SNX24: variants seen among roughly 807,000 people sequenced by gnomAD.
SNX24 encodes the protein sorting nexin 24, also known as sorting nexin-24.
SNX24 carries 22 observed loss-of-function variants against 28.7 expected under a neutral mutation model. The ratio of observed to expected loss-of-function variants is 0.77; its 90% confidence interval spans 0.55 to 1.10. The LOEUF is 1.10. SNX24 is among the 50% of genes least tolerant of loss of function. The pLI is 0.00. For missense variants in SNX24, 221 were observed against 201.1 expected, an observed-to-expected ratio of 1.10 and a Z score of -0.60; for synonymous variants, 69 against 71.5, an observed-to-expected ratio of 0.96 and a Z score of 0.18.
At chr5:122,967,443 G>A (rs1323707692) in intron 3 of SNX24, among the ~76,000 whole-genome samples, 1 of 152,146 alleles carries the variant, frequency 6.6e-6, no homozygotes, top group Non-Finnish European at 1.5e-5. Context: ...AGCGCCTGTG[G>A]GAAGCTGGTA....
intron 1 of SNX24, among the ~76,000 whole-genome samples, chr5:122,917,156 C>T (rs1758212201): frequency 1.3e-5 from 2 of 151,316 alleles, no homozygotes; most frequent in Admixed American, 1.3e-4. Flanking sequence ...AGTCGAGAGG[C>T]TGAGGCAGGA....
At chr5:122,863,221 C>T (rs1016605542) in intron 1 of SNX24, among the ~76,000 whole-genome samples, 3 of 151,982 alleles carry the variant, frequency 2.0e-5, no homozygotes, top group African/African-American at 7.2e-5. Context: ...GAATCCTTCC[C>T]TGGGAAGGCA....
chr5:122,893,746 T>C (rs1757081844), intron 1 of SNX24, among the ~76,000 whole-genome samples: 1 of 152,180 alleles, frequency 6.6e-6, no homozygotes, highest in South Asian at 2.1e-4. Flanking sequence ...GAGTTCTGCA[T>C]TCAAAAGTTA....
Position 122,999,935 on chromosome 5 carries a change from A to G in SNX24, c.273A>G (p.Glu91=), listed in dbSNP as rs374539266. 372 of 1,612,794 alleles carry G rather than the reference A, an allele frequency of 2.3e-4. No individual in the cohort carries two copies. Among genetic ancestry groups the G allele is most frequent in the Non-Finnish European group, 3.1e-4 (361 of 1,178,796 alleles). The change falls in exon 4 of 7, where the codon GAA becomes GAG. Residue 91 remains glutamate (E), a synonymous_variant. Coordinates refer to ENST00000261369, the MANE Select transcript of SNX24 (RefSeq NM_014035.4). ...AGGCTGTCATTTTAGAAAATGAAGAACTTCCCAAACTGTTTCTTGATTTCC... is the reference window on the plus strand; with the variant it reads ...AGGCTGTCATTTTAGAAAATGAAGAGCTTCCCAAACTGTTTCTTGATTTCC... ...YLQAVILENE[E]LPKLFLDFLN... is the part of the protein sequence containing the mutation.
chr5:122,856,013 T>C (rs1755173494), intron 1 of SNX24, among the ~76,000 whole-genome samples: 1 of 152,178 alleles, frequency 6.6e-6, no homozygotes, highest in Admixed American at 6.5e-5. Flanking sequence ...AGGTTTGTTA[T>C]ATGGGTAAAT....
chr5:122,885,648 C>G (rs1257735442), intron 1 of SNX24, among the ~76,000 whole-genome samples: 1 of 152,172 alleles, frequency 6.6e-6, no homozygotes, highest in African/African-American at 2.4e-5. Context: ...CAAGCAGCTC[C>G]TCCTTTCCTT....
chr5:122,850,591 G>A (rs1278398627), intron 1 of SNX24, among the ~76,000 whole-genome samples: 2 of 152,142 alleles, frequency 1.3e-5, no homozygotes, highest in South Asian at 2.1e-4. Context: ...CCAGTACCTG[G>A]TGACCAGATG....
intron 1 of SNX24, among the ~76,000 whole-genome samples, chr5:122,854,589 GA>G (rs2150034727): frequency 6.8e-6 from 1 of 147,874 alleles, no homozygotes; most frequent in South Asian, 2.1e-4. Context: ...TCCTTCCATT[GA>G]AAAAAATATA....
exon 6 of SNX24, chr5:123,029,272 A>C: frequency 6.2e-7 from 1 of 1,614,038 alleles, no homozygotes; most frequent in Non-Finnish European, 8.5e-7. Context: ...AAGAAAGAAG[A>C]CCCAATTTAA....
intron 1 of SNX24, among the ~76,000 whole-genome samples, chr5:122,931,035 G>A (rs557162822): frequency 2.6e-5 from 4 of 152,248 alleles, no homozygotes; most frequent in South Asian, 4.1e-4. Context: ...TTAAGTGAGG[G>A]CTTACTATAT....
chr5:122,935,625 T>C (rs907547948), intron 1 of SNX24, among the ~76,000 whole-genome samples: 1 of 152,238 alleles, frequency 6.6e-6, no homozygotes, highest in African/African-American at 2.4e-5. Flanking sequence ...AGATTTTATG[T>C]TTCTGGATTT....
At chr5:122,874,324 G>C (rs549913168) in intron 1 of SNX24, among the ~76,000 whole-genome samples, 1 of 152,336 alleles carries the variant, frequency 6.6e-6, no homozygotes, top group African/African-American at 2.4e-5. Flanking sequence ...AGCTAAGTGA[G>C]GATCAGCTGA....
At chr5:122,895,897 C>A (rs1757181322) in intron 1 of SNX24, among the ~76,000 whole-genome samples, 2 of 152,166 alleles carry the variant, frequency 1.3e-5, no homozygotes, top group Admixed American at 1.3e-4. Context: ...GCCTGTAATC[C>A]CAGCACTTTG....
intron 2 of SNX24, among the ~76,000 whole-genome samples, chr5:122,945,741 T>A (rs1345972734): frequency 6.6e-6 from 1 of 152,232 alleles, no homozygotes; most frequent in East Asian, 1.9e-4. Flanking sequence ...TTTTTGTAAC[T>A]AAATTTCTTT....
At chr5:122,921,584 G>C (rs1245491120) in intron 1 of SNX24, among the ~76,000 whole-genome samples, 1 of 151,938 alleles carries the variant, frequency 6.6e-6, no homozygotes. Flanking sequence ...TGATGTAGGG[G>C]ATTTAGTTTT....
intron 3 of SNX24, among the ~76,000 whole-genome samples, chr5:122,986,744 T>G (rs1363605326): frequency 6.6e-6 from 1 of 151,544 alleles, no homozygotes; most frequent in African/African-American, 2.4e-5. Context: ...TAAGGGATTT[T>G]TTTTTTCCTG....
chr5:122,913,414 C>T (rs1383860954), intron 1 of SNX24, among the ~76,000 whole-genome samples: 14 of 151,060 alleles, frequency 9.3e-5, no homozygotes, highest in East Asian at 2.0e-4. Flanking sequence ...ACCTCCCTCC[C>T]GGACGGGGCG....
intron 1 of SNX24, among the ~76,000 whole-genome samples, chr5:122,923,089 C>T (rs530887355): frequency 5.3e-5 from 8 of 152,138 alleles, no homozygotes; most frequent in South Asian, 4.1e-4. Context: ...CCAGCATTTT[C>T]GGAGGCTAAG....
At chr5:123,024,708 T>C (rs17388251) in intron 5 of SNX24, among the ~76,000 whole-genome samples, 42,269 of 152,136 alleles carry the variant, frequency 0.28, 7,011 homozygotes, top group Non-Finnish European at 0.38. Context: ...TTGTGTTAGA[T>C]AGAATCAGAA....
Sources: allele counts gnomAD v4.1 joint callset (sites outside exome capture counted in the v4.1 genomes callset), GRCh38; gene constraint gnomAD v4.1.1; transcripts MANE v1.5; gene names NCBI Gene and HGNC (gene_info 2026-07-23, HGNC 2026-07-21).